Variants in MDK observed in about 807,000 individuals in gnomAD.
MDK encodes midkine.
In MDK, 17 loss-of-function variants were observed where a neutral mutation model predicts 18.9. That is an observed-to-expected ratio of 0.90 (90% confidence interval 0.62 to 1.35). The LOEUF (loss-of-function observed/expected upper bound fraction) is 1.35. Among genes scored for constraint, MDK ranks in the 40% most tolerant of loss-of-function variants. The pLI is 0.00. For missense variants in MDK, 180 were observed against 186.3 expected (o/e 0.97, Z 0.20); for synonymous variants, 86 against 74.3 (o/e 1.16, Z -0.81).
intron 2 of MDK, 59 bp from the exon 3 acceptor site, chr11:46,382,235 G>T (rs184181824): frequency 1.4e-5 from 22 of 1,603,836 alleles, no homozygotes; most frequent in Middle Eastern, 3.8e-4. Flanking sequence ...CCAGGAAGGC[G>T]GCTCCCGAGG....
At position 46,382,450 on chromosome 11, in the gene MDK, A is replaced by C. The variant is rs1391902591; in HGVS notation, c.233A>C (p.Lys78Thr). ...IRCRVPCNWK[K>T]EFGADCKYKF... ...TGCAGGGTGCCCTGCAACTGGAAGA[A>C]GGAGTTTGGAGGTGAGGCGGGGCGC... Residue 78 changes from lysine to threonine, a missense_variant, in exon 3 of 5, where the codon AAG (lysine) becomes ACG (threonine). By Grantham distance (78) the Lys-to-Thr change is moderately conservative. Transcript: ENST00000395566. 6.6e-7 allele frequency: 1 copy of C among 1,520,900 alleles called. No individual in the cohort carries two copies. Among genetic ancestry groups the C allele is most frequent in the South Asian group, 1.3e-5 (1 of 78,224 alleles). The allele number at this position is 1,520,900 out of a possible 1,614,324, so 94.2% of individuals were successfully genotyped here. A position where few individuals can be genotyped will look rare whatever the true frequency, so the allele number is the denominator to read the frequency against.
At chr11:46,382,240 C>T (rs1945221248) in intron 2 of MDK, 54 bp from the exon 3 acceptor site, 5 of 1,603,998 alleles carry the variant, frequency 3.1e-6, no homozygotes, top group Non-Finnish European at 4.3e-6. Flanking sequence ...AAGGCGGCTC[C>T]CGAGGGAGTC....
At position 46,382,697 on chromosome 11, in the gene MDK, A is replaced by T; in HGVS notation, c.355A>T (p.Thr119Ser). ...KARYNAQCQETIRVTKPCTPK... is the reference protein window; with the variant it reads ...KARYNAQCQESIRVTKPCTPK... ...GCGCTACAATGCTCAGTGCCAGGAG[A>T]CCATCCGCGTCACCAAGCCCTGCAC... Residue 119 changes from threonine to serine, a missense_variant, in exon 4 of 5, where the codon ACC becomes TCC. Thr to Ser is a moderately conservative substitution (Grantham distance 58). Transcript: ENST00000395566. The T allele has an allele frequency of 1.2e-6, 2 of 1,610,448 alleles. No homozygotes were observed. Among genetic ancestry groups the T allele is most frequent in the Non-Finnish European group, 1.7e-6 (2 of 1,179,396 alleles).
Position 46,382,370 on chromosome 11 carries a change from T to C in MDK, c.153T>C (p.Asp51=). ...GGCCCTGCACCCCCAGCAGCAAGGA[T>C]TGCGGCGTGGGTTTCCGCGAGGGCA... is the stretch of plus-strand genomic sequence containing the variant. The part of the protein sequence containing the change: ...AWGPCTPSSK[D]CGVGFREGTC... Residue 51 remains aspartate, a synonymous_variant, in exon 3 of 5, where the codon GAT becomes GAC. Coordinates refer to ENST00000395566, the MANE Select transcript of MDK (RefSeq NM_002391.6). 1 of 1,582,784 alleles carries C rather than the reference T, an allele frequency of 6.3e-7. No homozygotes were observed. The highest frequency in any genetic ancestry group is 8.6e-7 in the Non-Finnish European group (1 of 1,167,030).
chr11:46,383,083 T>C, intron 4 of MDK: 1 of 450,306 alleles, frequency 2.2e-6, no homozygotes, highest in Non-Finnish European at 4.1e-6. Flanking sequence ...TGGTCAGCTC[T>C]GCCCTTTCTA....
rs1422785751 is a variant in MDK at position 46,382,384 on chromosome 11, T to A, written c.167T>A (p.Phe56Tyr). The A allele has an allele frequency of 6.4e-7, 1 of 1,567,472 alleles. No homozygotes were observed. Among genetic ancestry groups the A allele is most frequent in the Admixed American group, 1.9e-5 (1 of 51,888 alleles). ...AGCAGCAAGGATTGCGGCGTGGGTT[T>A]CCGCGAGGGCACCTGCGGGGCCCAG... ...TPSSKDCGVG[F>Y]REGTCGAQTQ... is the part of the protein sequence containing the mutation. Residue 56 changes from phenylalanine to tyrosine, a missense_variant, in exon 3 of 5, where the codon TTC (phenylalanine) becomes TAC (tyrosine). Physicochemically the swap from Phe to Tyr is conservative, Grantham distance 22. Coordinates refer to ENST00000395566, the MANE Select transcript of MDK (RefSeq NM_002391.6).
chr11:46,382,869 C>T, intron 4 of MDK, 121 bp downstream of exon 4: 2 of 1,159,458 alleles, frequency 1.7e-6, no homozygotes, highest in East Asian at 2.6e-5. Context: ...GGCTTCCTGA[C>T]ATCGCCTCAC....
At position 46,382,612 on chromosome 11, in the gene MDK, C is replaced by A. The variant is rs771631882; in HGVS notation, c.270C>A (p.Asn90Lys). Residue 90 changes from asparagine (N) to lysine (K), a missense_variant, in exon 4 of 5, where the codon AAC (asparagine) becomes AAA (lysine). By Grantham distance (94) the Asn-to-Lys change is moderately conservative. Coordinates refer to ENST00000395566, the MANE Select transcript of MDK (RefSeq NM_002391.6). Reference protein sequence around the residue: ...FGADCKYKFENWGACDGGTGT... With the variant: ...FGADCKYKFEKWGACDGGTGT... ...CCGACTGCAAGTACAAGTTTGAGAA[C>A]TGGGGTGCGTGTGATGGGGGCACAG... 4 of 1,612,292 alleles carry A rather than the reference C, an allele frequency of 2.5e-6. No individual in the cohort carries two copies. The South Asian group carries it at 4.4e-5, about 18-fold the overall frequency.
At chr11:46,383,075 G>T (rs891541193) in intron 4 of MDK, 1 of 463,298 alleles carries the variant, frequency 2.2e-6, no homozygotes, top group African/African-American at 2.0e-5. Context: ...GCAGCATTTG[G>T]TCAGCTCTGC....
intron 4 of MDK, chr11:46,383,175 G>C (rs962342409): frequency 9.4e-6 from 4 of 424,870 alleles, no homozygotes; most frequent in African/African-American, 8.0e-5. Context: ...GGGCAGGGGT[G>C]AATCTGCCCG....
Position 46,381,752 on chromosome 11 carries a change from C to T in MDK, c.-8C>T. On this transcript the variant is annotated 5_prime_UTR_variant, in exon 1 of 5. Transcript: ENST00000395566. ...GGAGGGAGCGAAGCAGCGCGGGCAGCGAGCGAGTGAGCGCGCGGCGGCCCC... is the reference window on the plus strand; with the variant it reads ...GGAGGGAGCGAAGCAGCGCGGGCAGTGAGCGAGTGAGCGCGCGGCGGCCCC... 4.4e-6 allele frequency: 1 copy of T among 225,964 alleles called. No homozygotes were observed. Among genetic ancestry groups the T allele is most frequent in the Non-Finnish European group, 8.0e-6 (1 of 125,562 alleles). 14.0% of individuals were successfully genotyped at this position (225,964 alleles called of 1,614,324 possible). A position where few individuals can be genotyped will look rare whatever the true frequency, so the allele number is the denominator to read the frequency against.
upstream of MDK, chr11:46,381,253 C>T (rs1040214599): frequency 6.6e-6 from 1 of 152,080 alleles, no homozygotes; most frequent in South Asian, 2.1e-4. Context: ...GGGAGCGGGT[C>T]CCGCGGGTTA....
At chr11:46,382,509 G>A in intron 3 of MDK, 48 bp downstream of exon 3, 1 of 1,535,780 alleles carries the variant, frequency 6.5e-7, no homozygotes. Flanking sequence ...GCACAGCCTC[G>A]CCGAAGCCTG....
rs578185107 is a variant in MDK at position 46,382,732 on chromosome 11, C to T, written c.390C>T (p.Thr130=). 23 of 1,604,598 alleles carry T rather than the reference C, an allele frequency of 1.4e-5. No homozygotes were observed. Among genetic ancestry groups the T allele is most frequent in the Admixed American group, 3.4e-5 (2 of 58,732 alleles). Residue 130 remains threonine (T), a synonymous_variant, in exon 4 of 5, where the codon ACC becomes ACT. Transcript: ENST00000395566. ...IRVTKPCTPK[T]KAKAKAKKGK... is the part of the protein sequence containing the mutation. The stretch of plus-strand genomic sequence containing the variant: ...TCACCAAGCCCTGCACCCCCAAGAC[C>T]AAAGCAAAGGCCAAAGGTCAGCGAA...
In MDK at chr11:46,382,444, GGAA is replaced by G. The variant is rs1174025481; in HGVS notation, c.232_234del (p.Lys78del). The G allele has an allele frequency of 6.6e-6, 10 of 1,524,758 alleles. No homozygotes were observed. Among genetic ancestry groups the G allele is most frequent in the Admixed American group, 4.2e-5 (2 of 47,246 alleles). 94.5% of individuals were successfully genotyped at this position (1,524,758 alleles called of 1,614,324 possible). A position where few individuals can be genotyped will look rare whatever the true frequency, so the allele number is the denominator to read the frequency against. ...ATCCGGTGCAGGGTGCCCTGCAACT[GGAA>G]GAAGGAGTTTGGAGGTGAGGCGGGG... On this transcript the variant is annotated inframe_deletion, in exon 3 of 5. Coordinates refer to ENST00000395566, the MANE Select transcript of MDK (RefSeq NM_002391.6).
intron 4 of MDK, 117 bp from the exon 5 acceptor site, chr11:46,383,352 C>A: frequency 2.6e-6 from 2 of 759,364 alleles, no homozygotes; most frequent in Non-Finnish European, 4.4e-6. Context: ...TGATTGGAAA[C>A]CACTAGGGGG....
Position 46,382,630 on chromosome 11 carries a change from G to A in MDK, c.288G>A (p.Gly96=). 6.2e-7 allele frequency: 1 copy of A among 1,612,714 alleles called. No individual in the cohort carries two copies. Among genetic ancestry groups the A allele is most frequent in the Non-Finnish European group, 8.5e-7 (1 of 1,179,812 alleles). The stretch of plus-strand genomic sequence containing the variant: ...TTGAGAACTGGGGTGCGTGTGATGG[G>A]GGCACAGGCACCAAAGTCCGCCAAG... ...YKFENWGACD[G]GTGTKVRQGT... Residue 96 remains glycine, a synonymous_variant, in exon 4 of 5, where the codon GGG becomes GGA. Transcript: ENST00000395566.
At position 46,381,780 on chromosome 11, in the gene MDK, G is replaced by T. The variant is rs1389282331; in HGVS notation, c.-2+22G>T. On this transcript the variant is annotated intron_variant, in intron 1 of 4. Transcript: ENST00000395566. ...GCGAGTGAGCGCGCGGCGGCCCCTG[G>T]TCCGCCCGGCCGCGGCCGATCTAGG... is the stretch of plus-strand genomic sequence containing the variant. 4 of 314,916 alleles carry T rather than the reference G, an allele frequency of 1.3e-5. No individual in the cohort carries two copies. The East Asian group carries it at 2.1e-4, about 17-fold the overall frequency. 19.5% of individuals were successfully genotyped at this position (314,916 alleles called of 1,614,324 possible).
chr11:46,381,539 C>T (rs2136535900), upstream of MDK: 1 of 125,548 alleles, frequency 8.0e-6, no homozygotes, highest in East Asian at 2.5e-4. Flanking sequence ...AGTAGAAGCG[C>T]GGGGGGCGCG....
Sources: allele counts gnomAD v4.1 joint callset, GRCh38; gene constraint gnomAD v4.1.1; transcripts MANE v1.5; gene names NCBI Gene and HGNC (gene_info 2026-07-23, HGNC 2026-07-21).